PRKG1: variants seen among roughly 807,000 people sequenced by gnomAD.
The protein encoded by PRKG1 is cGMP-dependent protein kinase 1.
Under a neutral mutation model 88.1 loss-of-function variants are expected in PRKG1, and 35 were observed. The observed-to-expected ratio is 0.40, with a 90% CI of 0.30 to 0.53. PRKG1 has a LOEUF of 0.53. Ranked by LOEUF, PRKG1 falls within the 20% of genes least tolerant of loss-of-function variation. The pLI, the probability that PRKG1 is intolerant of heterozygous loss-of-function variation, is 0.59. For missense variants in PRKG1, 540 were observed against 839.8 expected (o/e 0.64, Z 4.41); for synonymous variants, 303 against 292.5 (o/e 1.04, Z -0.37).
At chr10:51,144,807 C>T (rs533066742) in intron 1 of PRKG1, among the ~76,000 whole-genome samples, 7 of 151,980 alleles carry the variant, frequency 4.6e-5, no homozygotes, top group South Asian at 4.2e-4. Flanking sequence ...TGTAATGAAG[C>T]GAAATTTGGC....
chr10:51,308,552 C>A (rs2132484425), intron 2 of PRKG1, among the ~76,000 whole-genome samples: 2 of 152,112 alleles, frequency 1.3e-5, no homozygotes, highest in Middle Eastern at 6.8e-3. Flanking sequence ...TTGCCTTTTT[C>A]CTGAGCAAGG....
intron 4 of PRKG1, among the ~76,000 whole-genome samples, chr10:51,900,423 T>C (rs544430916): frequency 6.6e-6 from 1 of 152,206 alleles, no homozygotes; most frequent in Non-Finnish European, 1.5e-5. Flanking sequence ...CAAAATCCAT[T>C]GATCCACCTT....
chr10:51,668,899 G>T (rs1840487649), intron 3 of PRKG1, among the ~76,000 whole-genome samples: 1 of 151,958 alleles, frequency 6.6e-6, no homozygotes. Flanking sequence ...AATAACTGAA[G>T]GTAGCTTTAG....
At chr10:51,238,633 C>T (rs971643889) in intron 2 of PRKG1, among the ~76,000 whole-genome samples, 7 of 146,610 alleles carry the variant, frequency 4.8e-5, no homozygotes, top group South Asian at 4.4e-4. Context: ...TGTGGTGGTG[C>T]GCCCGTAATC....
chr10:51,792,994 C>A (rs373299192), intron 3 of PRKG1, among the ~76,000 whole-genome samples: 2 of 150,614 alleles, frequency 1.3e-5, no homozygotes, highest in South Asian at 2.1e-4. Flanking sequence ...GCTGTATAAC[C>A]ACAGGGATAA....
chr10:51,011,339 C>T (rs1406583990), intron 1 of PRKG1, among the ~76,000 whole-genome samples: 1 of 152,040 alleles, frequency 6.6e-6, no homozygotes, highest in Non-Finnish European at 1.5e-5. Flanking sequence ...CCCTCCTGAC[C>T]ACCAGTTAGG....
chr10:51,203,966 A>G (rs1485039742), intron 2 of PRKG1, among the ~76,000 whole-genome samples: 1 of 152,352 alleles, frequency 6.6e-6, no homozygotes, highest in South Asian at 2.1e-4. Flanking sequence ...GACAGTCTGT[A>G]TACTTCATTC....
At chr10:51,115,245 C>T in intron 1 of PRKG1, among the ~76,000 whole-genome samples, 1 of 128,162 alleles carries the variant, frequency 7.8e-6, no homozygotes, top group African/African-American at 2.9e-5. Context: ...ACCTGGGAGG[C>T]AGAGGTTGCA....
chr10:51,929,166 GC>G, intron 5 of PRKG1, among the ~76,000 whole-genome samples: 1 of 152,156 alleles, frequency 6.6e-6, no homozygotes, highest in South Asian at 2.1e-4. Context: ...CCCACCAATT[GC>G]TGAGGAGTTA....
intron 3 of PRKG1, among the ~76,000 whole-genome samples, chr10:51,624,440 C>T (rs988059310): frequency 2.6e-5 from 4 of 152,198 alleles, no homozygotes; most frequent in Admixed American, 1.3e-4. Flanking sequence ...AAATCTGCCT[C>T]CTTGTAATGA....
chr10:51,461,176 A>C (rs1839734045), intron 2 of PRKG1, among the ~76,000 whole-genome samples: 1 of 152,166 alleles, frequency 6.6e-6, no homozygotes, highest in Non-Finnish European at 1.5e-5. Context: ...CAGAAGGGAA[A>C]TCAGATTTGC....
chr10:51,276,645 A>G (rs1840127294), intron 2 of PRKG1, among the ~76,000 whole-genome samples: 1 of 152,080 alleles, frequency 6.6e-6, no homozygotes, highest in Non-Finnish European at 1.5e-5. Context: ...TGACTTTTTA[A>G]TGATTGCCAT....
intron 7 of PRKG1, among the ~76,000 whole-genome samples, chr10:52,119,865 G>A (rs1042446429): frequency 6.6e-6 from 1 of 152,118 alleles, no homozygotes; most frequent in Non-Finnish European, 1.5e-5. Context: ...AATGGCAGAA[G>A]GCAGAAGGTG....
intron 4 of PRKG1, among the ~76,000 whole-genome samples, chr10:51,823,190 C>G (rs138178141): frequency 6.6e-6 from 1 of 151,840 alleles, no homozygotes; most frequent in Non-Finnish European, 1.5e-5. Context: ...GGTCCTGGGA[C>G]CAAAAAGCTT....
At chr10:51,932,687 G>T (rs1046676485) in intron 5 of PRKG1, among the ~76,000 whole-genome samples, 3 of 152,120 alleles carry the variant, frequency 2.0e-5, no homozygotes, top group Non-Finnish European at 4.4e-5. Flanking sequence ...TTTGGCCAGG[G>T]CAGTTCTAAC....
intron 2 of PRKG1, among the ~76,000 whole-genome samples, chr10:51,398,098 T>G (rs182820198): frequency 1.3e-5 from 2 of 152,278 alleles, no homozygotes; most frequent in Admixed American, 6.5e-5. Flanking sequence ...AGGTAAAATA[T>G]TCACCCAGGG....
At chr10:52,098,800 T>C (rs1306157958) in intron 7 of PRKG1, among the ~76,000 whole-genome samples, 1 of 152,166 alleles carries the variant, frequency 6.6e-6, no homozygotes, top group African/African-American at 2.4e-5. Flanking sequence ...TCATTCCCAA[T>C]CCCTGAAAAG....
chr10:52,026,968 C>A (rs998630832), intron 5 of PRKG1, among the ~76,000 whole-genome samples: 4 of 151,878 alleles, frequency 2.6e-5, no homozygotes, highest in African/African-American at 9.7e-5. Flanking sequence ...CAGAGTAAGA[C>A]TCCGTCAAAA....
chr10:51,982,830 G>A (rs144231767), intron 5 of PRKG1, among the ~76,000 whole-genome samples: 12 of 152,334 alleles, frequency 7.9e-5, no homozygotes, highest in Non-Finnish European at 1.5e-4. Flanking sequence ...GTAGTGGGGT[G>A]CACACTCATT....
Sources: gnomAD v4.1 joint callset for allele counts (sites outside exome capture counted in the v4.1 genomes callset) on GRCh38, gnomAD v4.1.1 for gene constraint, MANE v1.5 for transcripts, NCBI Gene and HGNC (gene_info 2026-07-23, HGNC 2026-07-21) for gene names.